The following FRMPD4 variants were observed in gnomAD, a reference collection of about 807,000 sequenced individuals.
FRMPD4 encodes FERM and PDZ domain-containing protein 4.
A neutral mutation model predicts 94.1 loss-of-function variants in FRMPD4; 22 were observed. That is an observed-to-expected ratio of 0.23 (90% CI 0.17 to 0.33). The LOEUF (loss-of-function observed/expected upper bound fraction) is 0.33, where lower values mean the gene tolerates loss of function less well. FRMPD4 is among the 10% of genes least tolerant of loss of function. FRMPD4 has a pLI of 1.00. For missense variants in FRMPD4, 1,111 were observed against 1,339.9 expected (o/e 0.83, Z 2.67); for synonymous variants, 631 against 548.6 (o/e 1.15, Z -2.10).
At chrX:12,536,784 T>C (rs191146491) in intron 2 of FRMPD4, among the ~76,000 whole-genome samples, 99 of 111,268 alleles carry the variant, frequency 8.9e-4, no homozygotes, top group African/African-American at 3.2e-3. Context: ...TGTAAACAGA[T>C]GCTAGGAACA....
chrX:12,399,905 T>A (rs1200762083), intron 1 of FRMPD4, among the ~76,000 whole-genome samples: 4 of 112,095 alleles, frequency 3.6e-5, no homozygotes. Flanking sequence ...ATGTTAGGCA[T>A]CAAATGAAGA....
chrX:12,677,000 T>C (rs2059906721), intron 5 of FRMPD4, among the ~76,000 whole-genome samples: 1 of 112,009 alleles, frequency 8.9e-6, no homozygotes, highest in South Asian at 3.7e-4. Context: ...TCGGCCTCGC[T>C]AAATAAATCC....
intron 2 of FRMPD4, among the ~76,000 whole-genome samples, chrX:12,527,560 G>GT (rs2058238704): frequency 1.0e-5 from 1 of 98,065 alleles, no homozygotes; most frequent in Admixed American, 1.1e-4. Context: ...GAATCTGGCT[G>GT]TTTTTTTGTT....
chrX:12,264,054 TG>T (rs1295500984), intron 1 of FRMPD4, among the ~76,000 whole-genome samples: 1 of 110,967 alleles, frequency 9.0e-6, no homozygotes, highest in African/African-American at 3.3e-5. Flanking sequence ...CACGTGCTTT[TG>T]GGGGGGACAC....
chrX:12,576,765 A>T (rs1009493404), intron 2 of FRMPD4, among the ~76,000 whole-genome samples: 3 of 112,288 alleles, frequency 2.7e-5, no homozygotes, highest in Non-Finnish European at 5.6e-5. Flanking sequence ...CTTAGAAATT[A>T]TCTTTAGCAC....
intron 1 of FRMPD4, among the ~76,000 whole-genome samples, chrX:12,264,918 T>G (rs1336873238): frequency 8.9e-6 from 1 of 112,250 alleles, no homozygotes; most frequent in Non-Finnish European, 1.9e-5. Context: ...ATCTCCTAAG[T>G]AGGCTCAGGG....
chrX:11,941,432 C>T (rs1165218508), intron 3 of FRMPD4, among the ~76,000 whole-genome samples: 1 of 111,762 alleles, frequency 8.9e-6, no homozygotes, highest in Non-Finnish European at 1.9e-5. Flanking sequence ...TTCTCCACAG[C>T]CCCCAGCACT....
At chrX:11,935,267 G>GTTT (rs1569129076) in intron 3 of FRMPD4, among the ~76,000 whole-genome samples, 11 of 3,235 alleles carry the variant, frequency 3.4e-3, no homozygotes, top group Admixed American at 8.0e-3. Context: ...TTTTTTTAAT[G>GTTT]TGTTTTTTTT....
intron 3 of FRMPD4, among the ~76,000 whole-genome samples, chrX:11,966,828 G>A (rs1004176616): frequency 3.6e-5 from 4 of 111,367 alleles, no homozygotes; most frequent in Non-Finnish European, 5.7e-5. Context: ...TAAATCTCCA[G>A]TTTCATTTAT....
At chrX:12,000,331 A>G (rs753830458) in intron 3 of FRMPD4, among the ~76,000 whole-genome samples, 7 of 112,210 alleles carry the variant, frequency 6.2e-5, no homozygotes, top group African/African-American at 2.3e-4. Context: ...ACATAAGCCA[A>G]AGAAGCATAT....
intron 1 of FRMPD4, among the ~76,000 whole-genome samples, chrX:12,365,931 C>T (rs2056068175): frequency 8.9e-6 from 1 of 112,577 alleles, no homozygotes; most frequent in African/African-American, 3.2e-5. Context: ...TCAATAATTC[C>T]ATTCACTAGG....
intron 2 of FRMPD4, among the ~76,000 whole-genome samples, chrX:12,599,208 G>A (rs914070073): frequency 1.8e-5 from 2 of 110,867 alleles, no homozygotes; most frequent in African/African-American, 6.6e-5. Context: ...ATTTGATAGA[G>A]ACAAACTCTC....
chrX:12,436,060 C>T (rs6530516), intron 1 of FRMPD4, among the ~76,000 whole-genome samples: 39,747 of 110,066 alleles, frequency 0.36, 5,635 homozygotes, highest in East Asian at 0.53. Flanking sequence ...AGCTGGAGTA[C>T]AGGGGTGCAA....
At chrX:12,682,235 G>A (rs2059980007) in intron 5 of FRMPD4, among the ~76,000 whole-genome samples, 1 of 112,181 alleles carries the variant, frequency 8.9e-6, no homozygotes, top group Admixed American at 9.4e-5. Flanking sequence ...TTGATCTTAA[G>A]TATACTTGTA....
intron 1 of FRMPD4, among the ~76,000 whole-genome samples, chrX:11,864,417 G>A (rs183183617): frequency 1.8e-5 from 2 of 109,459 alleles, no homozygotes; most frequent in African/African-American, 6.6e-5. Flanking sequence ...ACAAGACTAA[G>A]CCAAGACCAA....
At chrX:12,183,004 A>C (rs183712573) in intron 1 of FRMPD4, among the ~76,000 whole-genome samples, 2 of 111,255 alleles carry the variant, frequency 1.8e-5, no homozygotes, top group Non-Finnish European at 3.8e-5. Flanking sequence ...CTGGAGCCAG[A>C]CTTCTGGGAT....
At chrX:12,015,231 T>C (rs1474497615) in intron 3 of FRMPD4, among the ~76,000 whole-genome samples, 1 of 110,296 alleles carries the variant, frequency 9.1e-6, no homozygotes, top group Non-Finnish European at 1.9e-5. Context: ...CTATCTTATA[T>C]TGTAGTTCAT....
chrX:12,163,914 C>T (rs1341441807), intron 1 of FRMPD4, among the ~76,000 whole-genome samples: 2 of 111,742 alleles, frequency 1.8e-5, no homozygotes, highest in Non-Finnish European at 3.8e-5. Flanking sequence ...CATTTTTTAC[C>T]ATCTCATGGG....
chrX:12,704,975 T>C (rs2041849964), intron 11 of FRMPD4, among the ~76,000 whole-genome samples: 1 of 111,692 alleles, frequency 9.0e-6, no homozygotes, highest in African/African-American at 3.3e-5. Context: ...GAACATCCTG[T>C]GTATTCTGGG....
Sources: gnomAD v4.1 joint callset for allele counts (sites outside exome capture counted in the v4.1 genomes callset) on GRCh38, gnomAD v4.1.1 for gene constraint, MANE v1.5 for transcripts, NCBI Gene and HGNC (gene_info 2026-07-23, HGNC 2026-07-21) for gene names.